The following SPATA25 variants were observed in gnomAD, a reference collection of about 807,000 sequenced individuals.
The protein encoded by SPATA25 is spermatogenesis associated 25.
SPATA25 carries 16 observed loss-of-function variants against 16.0 expected under a neutral mutation model. That is an observed-to-expected ratio of 1.00 (90% CI 0.68 to 1.52). The LOEUF is 1.52. Ranked by LOEUF, SPATA25 falls within the 40% of genes most tolerant of loss-of-function variation. The pLI is 0.00. For missense variants in SPATA25, 285 were observed against 289.2 expected (o/e 0.99, Z 0.11); for synonymous variants, 115 against 118.5 (o/e 0.97, Z 0.19).
upstream of SPATA25, chr20:45,888,734 T>A (rs1217286613): frequency 4.3e-6 from 7 of 1,613,082 alleles, no homozygotes; most frequent in Non-Finnish European, 5.9e-6. Context: ...AGGATGCAGC[T>A]GTGCTCTGGT....
At chr20:45,890,991 T>G, upstream of SPATA25, 1 of 1,485,708 alleles carries the variant, frequency 6.7e-7, no homozygotes, top group Non-Finnish European at 8.9e-7. Context: ...GCAGCAGCCA[T>G]CTCTCGGCCA....
Position 45,887,536 on chromosome 20 carries a change from C to G in SPATA25, c.55G>C (p.Gly19Arg). ...CCAATTGCAGGTGCCCCCCGCTCAC[C>G]TTGGCCGGAAGGCAGAGGACCTGGA... ...THPGPLPSGQ[G>R]GAASPGLSLG... The change falls in exon 1 of 2, where the codon GGT (glycine) becomes CGT (arginine). Residue 19 changes from glycine (G) to arginine (R), a missense_variant and splice_region_variant. By Grantham distance (125) the Gly-to-Arg change is moderately radical. Transcript: ENST00000372519. 1 of 1,613,576 alleles carries G rather than the reference C, an allele frequency of 6.2e-7. No individual in the cohort carries two copies. Among genetic ancestry groups the G allele is most frequent in the Non-Finnish European group, 8.5e-7 (1 of 1,179,710 alleles).
upstream of SPATA25, chr20:45,890,377 G>A (rs892577789): frequency 6.2e-7 from 1 of 1,612,836 alleles, no homozygotes; most frequent in Non-Finnish European, 8.5e-7. Flanking sequence ...TGATGATGAT[G>A]TGCATGTCGG....
chr20:45,888,787 C>A (rs1283461918), upstream of SPATA25: 12 of 1,614,044 alleles, frequency 7.4e-6, no homozygotes, highest in Non-Finnish European at 1.0e-5. Context: ...TCCTTAAGTT[C>A]TTTGGGCAGG....
chr20:45,890,394 C>T (rs752590233), upstream of SPATA25: 4 of 1,612,468 alleles, frequency 2.5e-6, no homozygotes, highest in African/African-American at 4.0e-5. Context: ...TCGGCCGTGC[C>T]ATCGGGGCGC....
chr20:45,888,731 A>AGCTGT, upstream of SPATA25: 1 of 1,612,534 alleles, frequency 6.2e-7, no homozygotes. Context: ...TCCAGGATGC[A>AGCTGT]GCTGTGCTCT....
At position 45,886,640 on chromosome 20, in the gene SPATA25, G is replaced by A. The variant is rs201326687; in HGVS notation, c.561C>T (p.Ala187=). The part of the protein sequence containing the change: ...LIWAAQAFMM[A]HPEPEGAVEG... The stretch of plus-strand genomic sequence containing the variant: ...CCACAGCACCCTCTGGCTCCGGATG[G>A]GCCATCATGAAAGCTTGAGCGGCCC... The change falls in exon 2 of 2, where the codon GCC becomes GCT. Residue 187 remains alanine (A), a synonymous_variant. Coordinates refer to ENST00000372519, the MANE Select transcript of SPATA25 (RefSeq NM_080608.4). 126 of 1,614,050 alleles carry A rather than the reference G, an allele frequency of 7.8e-5. No individual in the cohort carries two copies. Among genetic ancestry groups the A allele is most frequent in the Middle Eastern group, 6.6e-4 (4 of 6,062 alleles).
upstream of SPATA25, chr20:45,890,024 A>C (rs1247273106): frequency 6.8e-6 from 4 of 587,556 alleles, no homozygotes; most frequent in Middle Eastern, 4.5e-4. Context: ...CAAAACTAAA[A>C]GGGAACTTGT....
upstream of SPATA25, chr20:45,890,207 C>A: frequency 6.2e-7 from 1 of 1,612,464 alleles, no homozygotes; most frequent in South Asian, 1.1e-5. Context: ...AGATTCCAGT[C>A]CCCACACTGA....
At chr20:45,888,789 T>C (rs146400005), upstream of SPATA25, 1 of 1,614,164 alleles carries the variant, frequency 6.2e-7, no homozygotes, top group Non-Finnish European at 8.5e-7. Flanking sequence ...CTTAAGTTCT[T>C]TGGGCAGGTG....
At chr20:45,890,574 T>C (rs768542235), upstream of SPATA25, 79 of 1,611,960 alleles carry the variant, frequency 4.9e-5, no homozygotes, top group Non-Finnish European at 6.4e-5. Context: ...ACGAGGAGGG[T>C]TGGAGGTCGG....
At chr20:45,887,837 CT>C (rs1287775253), upstream of SPATA25, among the ~76,000 whole-genome samples, 4 of 152,120 alleles carry the variant, frequency 2.6e-5, no homozygotes, top group Non-Finnish European at 4.4e-5. Flanking sequence ...AGTTTTGTTC[CT>C]TGATATCCTT....
chr20:45,890,705 A>ACGGGGGCCAGACTGG (rs1317578445), upstream of SPATA25: 1 of 1,613,706 alleles, frequency 6.2e-7, no homozygotes, highest in Non-Finnish European at 8.5e-7. Context: ...AAACTCGGGA[A>ACGGGGGCCAGACTGG]CGGGGGCCAG....
At chr20:45,890,909 C>T (rs772386433), upstream of SPATA25, 5 of 1,550,964 alleles carry the variant, frequency 3.2e-6, no homozygotes, top group African/African-American at 5.5e-5. Context: ...ACCGTGCACC[C>T]GATGGAAGCG....
upstream of SPATA25, chr20:45,888,664 G>T: frequency 8.4e-7 from 1 of 1,191,948 alleles, no homozygotes; most frequent in Non-Finnish European, 1.2e-6. Flanking sequence ...GTTTATTTCT[G>T]GTCTTGGCTG....
upstream of SPATA25, chr20:45,888,954 C>A: frequency 6.5e-7 from 1 of 1,540,476 alleles, no homozygotes; most frequent in South Asian, 1.2e-5. Context: ...AGGTCATGGT[C>A]CCCACTTTGT....
Position 45,886,743 on chromosome 20 carries a change from C to T in SPATA25, c.458G>A (p.Cys153Tyr). 1 of 1,614,094 alleles carries T rather than the reference C, an allele frequency of 6.2e-7. No homozygotes were observed. Residue 153 changes from cysteine to tyrosine, a missense_variant, in exon 2 of 2, where the codon TGC (cysteine) becomes TAC (tyrosine). Physicochemically the swap from Cys to Tyr is radical, Grantham distance 194 (BLOSUM62 -2). Transcript: ENST00000372519. ...GKEASSQPDI[C>Y]ILTLAMMIAG... ...GATCATCATGGCGAGGGTGAGGATG[C>T]AGATATCAGGCTGGGAGCTGGCCTC...
upstream of SPATA25, chr20:45,890,144 T>C: frequency 7.8e-7 from 1 of 1,280,598 alleles, no homozygotes; most frequent in South Asian, 1.2e-5. Flanking sequence ...CTCCCACTCT[T>C]AAACTAGTGC....
Position 45,886,808 on chromosome 20 carries a change from T to A in SPATA25, c.393A>T (p.Ser131=), listed in dbSNP as rs565771926. 298 of 1,613,784 alleles carry A rather than the reference T, an allele frequency of 1.8e-4. No individual in the cohort carries two copies. Among genetic ancestry groups the A allele is most frequent in the Admixed American group, 1.1e-3 (68 of 60,002 alleles). Residue 131 remains serine, a synonymous_variant, in exon 2 of 2, where the codon TCA becomes TCT. Coordinates refer to ENST00000372519, the MANE Select transcript of SPATA25 (RefSeq NM_080608.4). ...RPRPLMLCGL[S]PRVLPVPSEA... is the part of the protein sequence containing the mutation. The stretch of plus-strand genomic sequence containing the variant: ...CAGAGGGTACCGGTAGAACCCGTGG[T>A]GACAGCCCACACAGCATCAGGGGCC...
Sources: gnomAD v4.1 joint callset for allele counts (sites outside exome capture counted in the v4.1 genomes callset) on GRCh38, gnomAD v4.1.1 for gene constraint, MANE v1.5 for transcripts, NCBI Gene and HGNC (gene_info 2026-07-23, HGNC 2026-07-21) for gene names.